KIAA1328: variants seen among roughly 807,000 people sequenced by gnomAD.
KIAA1328 encodes the protein KIAA1328, also known as protein hinderin.
A neutral mutation model predicts 68.1 loss-of-function variants in KIAA1328; 52 were observed. The observed-to-expected ratio is 0.76, with a 90% CI of 0.61 to 0.96. KIAA1328 has a LOEUF of 0.96. Among genes scored for constraint, KIAA1328 ranks in the 40% least tolerant of loss-of-function variants. The pLI, the probability that KIAA1328 is intolerant of heterozygous loss-of-function variation, is 0.00. For synonymous variants in KIAA1328, 232 were observed against 239.4 expected (o/e 0.97, Z 0.28); for missense variants, 641 against 677.6 (o/e 0.95, Z 0.60).
intron 9 of KIAA1328, among the ~76,000 whole-genome samples, chr18:37,213,303 C>T (rs941400247): frequency 6.6e-5 from 10 of 152,138 alleles, no homozygotes; most frequent in Non-Finnish European, 1.0e-4. Context: ...CCCCGCTCTC[C>T]CCACCCCACA....
At chr18:37,186,278 A>G (rs2059798403) in intron 9 of KIAA1328, among the ~76,000 whole-genome samples, 1 of 151,488 alleles carries the variant, frequency 6.6e-6, no homozygotes, top group African/African-American at 2.4e-5. Flanking sequence ...TGTCTTTGTA[A>G]GCATAAAAGG....
At chr18:37,081,842 CATT>C (rs1208549168) in intron 7 of KIAA1328, among the ~76,000 whole-genome samples, 2 of 152,188 alleles carry the variant, frequency 1.3e-5, no homozygotes, top group African/African-American at 4.8e-5. Flanking sequence ...CCCGACTCTT[CATT>C]ATAACACGGT....
At chr18:36,979,925 T>A (rs908860145) in intron 6 of KIAA1328, among the ~76,000 whole-genome samples, 2 of 152,138 alleles carry the variant, frequency 1.3e-5, no homozygotes, top group African/African-American at 2.4e-5. Context: ...GAGGTGGAGC[T>A]TAATGGGAGG....
At chr18:37,031,300 G>GT (rs766371109) in intron 6 of KIAA1328, among the ~76,000 whole-genome samples, 11 of 151,668 alleles carry the variant, frequency 7.3e-5, no homozygotes, top group Admixed American at 1.3e-4. Context: ...TGATTGTGGG[G>GT]TTTTTTTTCC....
rs779379491 is a variant in KIAA1328, at chr18:36,835,369, A to T, written c.230A>T (p.Asp77Val). 6.3e-5 allele frequency: 101 copies of T among 1,611,044 alleles called. No individual in the cohort carries two copies. The highest frequency in any genetic ancestry group is 8.0e-5 in the Non-Finnish European group (94 of 1,178,930). Residue 77 changes from aspartate to valine, a missense_variant, in exon 3 of 10, where the codon GAT becomes GTT. Physicochemically the swap from Asp to Val is radical, Grantham distance 152. Transcript: ENST00000280020. The part of the protein sequence containing the change: ...ESLKGTGDSV[D>V]EQNSCRGEIK... ...TTAAAAGGCACAGGAGATTCAGTAG[A>T]TGAACAGGTTAGTATTTTTTTCGTC...
chr18:36,946,685 C>T (rs753992552), intron 5 of KIAA1328, among the ~76,000 whole-genome samples: 185 of 152,182 alleles, frequency 1.2e-3, no homozygotes, highest in Non-Finnish European at 1.7e-3. Flanking sequence ...TGGGTTTTTT[C>T]TTTTAATAAG....
intron 6 of KIAA1328, among the ~76,000 whole-genome samples, chr18:37,004,558 T>A (rs2151466280): frequency 6.6e-6 from 1 of 152,182 alleles, no homozygotes; most frequent in African/African-American, 2.4e-5. Flanking sequence ...CACAATGAGA[T>A]ACAACCTTAC....
intron 6 of KIAA1328, among the ~76,000 whole-genome samples, chr18:37,016,171 C>T (rs1031681763): frequency 7.9e-5 from 12 of 152,026 alleles, no homozygotes; most frequent in African/African-American, 2.9e-4. Flanking sequence ...AGGAATGTTC[C>T]TTTAATGCCT....
At chr18:37,132,205 G>A (rs917485865) in intron 7 of KIAA1328, among the ~76,000 whole-genome samples, 1 of 152,106 alleles carries the variant, frequency 6.6e-6, no homozygotes, top group Admixed American at 6.5e-5. Flanking sequence ...ATATACTCAT[G>A]GTCATATTGT....
At chr18:36,935,457 A>T (rs527400482) in intron 5 of KIAA1328, among the ~76,000 whole-genome samples, 1 of 152,276 alleles carries the variant, frequency 6.6e-6, no homozygotes, top group East Asian at 1.9e-4. Context: ...AAATTATGCC[A>T]TTTTTTGCCA....
At chr18:37,152,850 A>T (rs577998436) in intron 7 of KIAA1328, among the ~76,000 whole-genome samples, 2 of 152,324 alleles carry the variant, frequency 1.3e-5, no homozygotes, top group South Asian at 4.1e-4. Flanking sequence ...TTTTCCAACA[A>T]AGAGCAGCCT....
chr18:36,858,812 A>G (rs887936230), intron 4 of KIAA1328, among the ~76,000 whole-genome samples: 1 of 152,224 alleles, frequency 6.6e-6, no homozygotes, highest in Non-Finnish European at 1.5e-5. Flanking sequence ...CACATGATGC[A>G]TCATCAGCAT....
intron 4 of KIAA1328, among the ~76,000 whole-genome samples, chr18:36,874,631 T>A (rs982526515): frequency 3.9e-5 from 6 of 152,226 alleles, no homozygotes; most frequent in African/African-American, 1.4e-4. Context: ...TTCTGTAGGT[T>A]GCCTGTTCAC....
At chr18:37,119,887 T>C (rs1256141046) in intron 7 of KIAA1328, among the ~76,000 whole-genome samples, 1 of 152,170 alleles carries the variant, frequency 6.6e-6, no homozygotes, top group Admixed American at 6.6e-5. Context: ...TACCAGTTTC[T>C]AAATACCATT....
At chr18:37,193,968 G>C (rs1443881757) in intron 9 of KIAA1328, among the ~76,000 whole-genome samples, 2 of 152,068 alleles carry the variant, frequency 1.3e-5, no homozygotes, top group African/African-American at 4.8e-5. Flanking sequence ...TTAAGTTGCC[G>C]CACAGTGTTC....
intron 9 of KIAA1328, among the ~76,000 whole-genome samples, chr18:37,176,199 G>A (rs369861031): frequency 1.3e-5 from 2 of 152,304 alleles, no homozygotes; most frequent in South Asian, 4.1e-4. Context: ...ATAATGTATT[G>A]TAGACTTGCA....
At chr18:37,043,360 ATATAT>A (rs896372713) in intron 6 of KIAA1328, among the ~76,000 whole-genome samples, 2 of 152,004 alleles carry the variant, frequency 1.3e-5, no homozygotes, top group Non-Finnish European at 2.9e-5. Context: ...ATTTGATGTG[ATATAT>A]TATAACATCT....
intron 6 of KIAA1328, among the ~76,000 whole-genome samples, chr18:37,043,725 C>G (rs917465310): frequency 1.3e-4 from 20 of 152,196 alleles, no homozygotes; most frequent in African/African-American, 4.8e-4. Context: ...CATGTTCAAA[C>G]AGAGACACTT....
chr18:37,080,770 ACT>A (rs1440847656), intron 7 of KIAA1328, among the ~76,000 whole-genome samples: 1 of 145,440 alleles, frequency 6.9e-6, no homozygotes, highest in African/African-American at 2.6e-5. Flanking sequence ...ACAGAGCGAG[ACT>A]CTGTCTGAAA....
Sources: gnomAD v4.1 joint callset for allele counts (sites outside exome capture counted in the v4.1 genomes callset) on GRCh38, gnomAD v4.1.1 for gene constraint, MANE v1.5 for transcripts, NCBI Gene and HGNC (gene_info 2026-07-23, HGNC 2026-07-21) for gene names.